EPX: variants seen among roughly 807,000 people sequenced by gnomAD.
The protein encoded by EPX is eosinophil peroxidase.
A neutral mutation model predicts 73.0 loss-of-function variants in EPX; 60 were observed. That is an observed-to-expected ratio of 0.82 (90% CI 0.67 to 1.02). The LOEUF (loss-of-function observed/expected upper bound fraction) is 1.02, where lower values mean the gene tolerates loss of function less well. Ranked by LOEUF, EPX falls within the 50% of genes least tolerant of loss-of-function variation. The pLI is 0.00. For missense variants in EPX, 950 were observed against 973.9 expected, an observed-to-expected ratio of 0.98 and a Z score of 0.33; for synonymous variants, 347 against 389.2, an observed-to-expected ratio of 0.89 and a Z score of 1.28.
At position 58,195,103 on chromosome 17, in the gene EPX, T is replaced by A. The variant is rs1478339637; in HGVS notation, c.734T>A (p.Val245Glu). The change falls in exon 6 of 13, where the codon GTG becomes GAG. Residue 245 changes from valine to glutamate, a missense_variant. Transcript: ENST00000225371. Reference protein sequence around the residue: ...LDFSPESPARVAFTAGVDCER... With the variant: ...LDFSPESPAREAFTAGVDCER... ...TTCTCCCCGGAGTCCCCGGCCAGAG[T>A]GGCCTTCACTGCAGGCGTTGACTGT... is the stretch of plus-strand genomic sequence containing the variant. 2.5e-6 allele frequency: 4 copies of A among 1,614,066 alleles called. No individual in the cohort carries two copies. The South Asian group carries it at 3.3e-5, about 13-fold the overall frequency.
At chr17:58,197,288 A>G (rs779938697) in intron 7 of EPX, 31 bp downstream of exon 7, 1 of 1,606,564 alleles carries the variant, frequency 6.2e-7, no homozygotes, top group Non-Finnish European at 8.5e-7. Flanking sequence ...GTGTCTTCCC[A>G]GGAAACAGCC....
At position 58,195,088 on chromosome 17, in the gene EPX, A is replaced by C; in HGVS notation, c.719A>C (p.Glu240Ala). The C allele has an allele frequency of 6.2e-7, 1 of 1,614,104 alleles. No individual in the cohort carries two copies. Among genetic ancestry groups the C allele is most frequent in the Non-Finnish European group, 8.5e-7 (1 of 1,179,962 alleles). The change falls in exon 6 of 13, where the codon GAG (glutamate) becomes GCG (alanine). Residue 240 changes from glutamate (E) to alanine (A), a missense_variant. Physicochemically the swap from Glu to Ala is moderately radical, Grantham distance 107 (BLOSUM62 -1). Transcript: ENST00000225371. ...FIDHDLDFSP[E>A]SPARVAFTAG... The stretch of plus-strand genomic sequence containing the variant: ...GACCATGACCTGGACTTCTCCCCGG[A>C]GTCCCCGGCCAGAGTGGCCTTCACT...
Position 58,193,522 on chromosome 17 carries a change from C to T in EPX, c.322C>T (p.Arg108Trp), listed in dbSNP as rs149380205. The change falls in exon 3 of 13, where the codon CGG (arginine) becomes TGG (tryptophan). Residue 108 changes from arginine (R) to tryptophan (W), a missense_variant. Transcript: ENST00000225371. ...GLLEEKLQPQRSGPFNVTDVL... is the reference protein window; with the variant it reads ...GLLEEKLQPQWSGPFNVTDVL... ...GCTTGAAGAGAAGTTACAACCCCAGCGGTCCGGACCCTTCAATGTCACTGG... is the reference window on the plus strand; with the variant it reads ...GCTTGAAGAGAAGTTACAACCCCAGTGGTCCGGACCCTTCAATGTCACTGG... The T allele has an allele frequency of 4.4e-5, 71 of 1,614,026 alleles. No homozygotes were observed. The African/African-American group carries it at 6.0e-4, about 14-fold the overall frequency.
At chr17:58,196,822 G>C in intron 6 of EPX, 117 bp from the exon 7 acceptor site, 2 of 815,388 alleles carry the variant, frequency 2.5e-6, no homozygotes, top group South Asian at 2.8e-5. Flanking sequence ...GTGAGTCAAG[G>C]AGGGCTTCCT....
chr17:58,195,010 T>C lies in EPX; in HGVS notation c.641T>C (p.Leu214Pro). 7.4e-6 allele frequency: 12 copies of C among 1,614,194 alleles called. No individual in the cohort carries two copies. Among genetic ancestry groups the C allele is most frequent in the Non-Finnish European group, 1.0e-5 (12 of 1,180,012 alleles). The change falls in exon 6 of 13, where the codon CTG (leucine) becomes CCG (proline). Residue 214 changes from leucine (L) to proline (P), a missense_variant. By Grantham distance (98) the Leu-to-Pro change is moderately conservative. Coordinates refer to ENST00000225371, the MANE Select transcript of EPX (RefSeq NM_000502.6). Reference protein sequence around the residue: ...NQIVRFPNERLTSDRGRALMF... With the variant: ...NQIVRFPNERPTSDRGRALMF... ...ATTGTGCGCTTCCCCAATGAGAGAC[T>C]GACCTCCGACCGTGGCCGAGCCCTC...
chr17:58,205,120 A>G lies in EPX; in HGVS notation c.*396A>G, dbSNP rs1968421968. On this transcript the variant is annotated 3_prime_UTR_variant, in exon 13 of 13. Transcript: ENST00000225371. ...CCAGACACCCCACAATACTCCTCTG[A>G]GCCTGAGGCCAGGCAGCATGCTCTG... 1 of 171,778 alleles carries G rather than the reference A, an allele frequency of 5.8e-6. No homozygotes were observed. The highest frequency in any genetic ancestry group is 1.4e-4 in the South Asian group (1 of 7,350). The allele number at this position is 171,778 out of a possible 1,614,324, so 10.6% of individuals were successfully genotyped here.
chr17:58,199,174 CG>C lies in EPX; in HGVS notation c.1257del (p.Lys420ArgfsTer110), dbSNP rs1968303916. 2 of 1,614,056 alleles carry C rather than the reference CG, an allele frequency of 1.2e-6. No individual in the cohort carries two copies. The highest frequency in any genetic ancestry group is 2.2e-5 in the South Asian group (2 of 91,076). ...TGGAGACAAACTGTACAATGAGGCTCGGAAGATCATGGGGGCCATGGTCCAG... is the reference window on the plus strand; with the variant it reads ...TGGAGACAAACTGTACAATGAGGCTCGAAGATCATGGGGGCCATGGTCCAG... ...WNGDKLYNEARKIMGAMVQII... is the reference protein window; with the variant it reads ...WNGDKLYNEAXKIMGAMVQII... On this transcript the variant is annotated frameshift_variant, in exon 8 of 13. Coordinates refer to ENST00000225371, the MANE Select transcript of EPX (RefSeq NM_000502.6). LOFTEE classifies it high-confidence loss of function.
intron 5 of EPX, 47 bp from the exon 6 acceptor site, chr17:58,194,917 T>A (rs762907071): frequency 1.4e-6 from 2 of 1,466,002 alleles, no homozygotes; most frequent in Admixed American, 3.5e-5. Context: ...TAATACCTTG[T>A]GGGGTCAGGG....
intron 5 of EPX, 95 bp from the exon 6 acceptor site, chr17:58,194,869 G>T: frequency 2.3e-6 from 2 of 888,348 alleles, no homozygotes; most frequent in Non-Finnish European, 3.7e-6. Flanking sequence ...GTCAATTCCA[G>T]CAGGGGAGCT....
rs201284086 is a variant in EPX, at chr17:58,197,103, G to T, written c.966G>T (p.Ser322=). 1.9e-6 allele frequency: 3 copies of T among 1,614,202 alleles called. No individual in the cohort carries two copies. Among genetic ancestry groups the T allele is most frequent in the African/African-American group, 2.7e-5 (2 of 75,046 alleles). ...SMVYGSEVSL[S]LRLRNRTNYL... ...TGTATGGCAGTGAGGTCTCCCTCTC[G>T]CTGCGGCTCCGCAACCGGACCAACT... Residue 322 remains serine (S), a synonymous_variant, in exon 7 of 13, where the codon TCG becomes TCT. Transcript: ENST00000225371.
rs767174841 is a variant in EPX at position 58,193,835 on chromosome 17, C to A, written c.464+4C>A. 16 of 1,607,034 alleles carry A rather than the reference C, an allele frequency of 1.0e-5. No individual in the cohort carries two copies. Among genetic ancestry groups the A allele is most frequent in the African/African-American group, 2.7e-5 (2 of 74,820 alleles). On this transcript the variant is annotated splice_donor_region_variant and intron_variant, in intron 4 of 12. Coordinates refer to ENST00000225371, the MANE Select transcript of EPX (RefSeq NM_000502.6). ...TCACTGGACGGTGCAACAACAAGTG[C>A]GTGCGGGGCGGCAGGAGGGGCTGCC...
intron 7 of EPX, 125 bp downstream of exon 7, chr17:58,197,382 G>A: frequency 8.9e-7 from 1 of 1,120,086 alleles, no homozygotes; most frequent in Non-Finnish European, 1.3e-6. Flanking sequence ...CACACCATAA[G>A]CATGGATCTG....
At chr17:58,195,696 T>G (rs766920770) in intron 6 of EPX, among the ~76,000 whole-genome samples, 7 of 150,552 alleles carry the variant, frequency 4.6e-5, no homozygotes, top group Non-Finnish European at 1.0e-4. Context: ...ACACACACTC[T>G]CTCACACACA....
At position 58,195,186 on chromosome 17, in the gene EPX, C is replaced by A; in HGVS notation, c.801+16C>A. On this transcript the variant is annotated intron_variant, in intron 6 of 12. Coordinates refer to ENST00000225371, the MANE Select transcript of EPX (RefSeq NM_000502.6). ...TCCCATCAAGGTACCTACCCTCAGC[C>A]AATCTCCCATGCCCTTGTGTGGCCT... The A allele has an allele frequency of 6.2e-7, 1 of 1,603,098 alleles. No individual in the cohort carries two copies.
intron 3 of EPX, 56 bp from the exon 4 acceptor site, chr17:58,193,658 A>G: frequency 1.3e-6 from 2 of 1,538,918 alleles, no homozygotes; most frequent in Non-Finnish European, 1.8e-6. Flanking sequence ...GAGAGGGTAA[A>G]GGGATGGGAG....
intron 6 of EPX, among the ~76,000 whole-genome samples, chr17:58,196,608 A>G (rs1392539158): frequency 6.6e-6 from 1 of 152,236 alleles, no homozygotes; most frequent in Admixed American, 6.5e-5. Context: ...AAAGAAGCTC[A>G]GGCCTAAGAG....
rs746052693 is a variant in EPX, at chr17:58,195,106, C to G, written c.737C>G (p.Ala246Gly). The change falls in exon 6 of 13, where the codon GCC (alanine) becomes GGC (glycine). Residue 246 changes from alanine (A) to glycine (G), a missense_variant. Physicochemically the swap from Ala to Gly is moderately conservative, Grantham distance 60 (BLOSUM62 0). Coordinates refer to ENST00000225371, the MANE Select transcript of EPX (RefSeq NM_000502.6). ...TCCCCGGAGTCCCCGGCCAGAGTGG[C>G]CTTCACTGCAGGCGTTGACTGTGAG... is the stretch of plus-strand genomic sequence containing the variant. Reference protein sequence around the residue: ...DFSPESPARVAFTAGVDCERT... With the variant: ...DFSPESPARVGFTAGVDCERT... 6.2e-7 allele frequency: 1 copy of G among 1,614,078 alleles called. No individual in the cohort carries two copies. Among genetic ancestry groups the G allele is most frequent in the African/African-American group, 1.3e-5 (1 of 74,946 alleles).
rs374623523 is a variant in EPX, at chr17:58,203,328, C to A, written c.1946+10C>A. ...CCCGAGACGGAGACAGGTAAGTGAC[C>A]CTATCATAAAAGACATCAGCACCAG... On this transcript the variant is annotated intron_variant, in intron 11 of 12. Coordinates refer to ENST00000225371, the MANE Select transcript of EPX (RefSeq NM_000502.6). The A allele has an allele frequency of 6.3e-7, 1 of 1,584,554 alleles. No homozygotes were observed. The highest frequency in any genetic ancestry group is 1.3e-5 in the African/African-American group (1 of 74,470).
In EPX at chr17:58,199,119, C is replaced by T. The variant is rs756099447; in HGVS notation, c.1200C>T (p.Thr400=). The T allele has an allele frequency of 1.9e-5, 31 of 1,614,052 alleles. No individual in the cohort carries two copies. The highest frequency in any genetic ancestry group is 1.6e-4 in the Middle Eastern group (1 of 6,062). The change falls in exon 8 of 13, where the codon ACC becomes ACT. Residue 400 remains threonine, a synonymous_variant. Transcript: ENST00000225371. The part of the protein sequence containing the change: ...LFMREHNRLA[T]ELRRLNPRWN... ...TGCGAGAGCACAACCGGCTGGCCAC[C>T]GAGCTGAGACGCCTGAATCCCCGGT...
Sources: gnomAD v4.1 joint callset for allele counts (sites outside exome capture counted in the v4.1 genomes callset) on GRCh38, gnomAD v4.1.1 for gene constraint, MANE v1.5 for transcripts, NCBI Gene and HGNC (gene_info 2026-07-23, HGNC 2026-07-21) for gene names.